The following PLCB4 variants were observed in gnomAD, a reference collection of about 807,000 sequenced individuals.
PLCB4 encodes the protein phospholipase C beta 4.
PLCB4 carries 77 observed loss-of-function variants against 178.8 expected under a neutral mutation model. The ratio of observed to expected loss-of-function variants is 0.43; its 90% confidence interval spans 0.36 to 0.52. The LOEUF is 0.52. Among genes scored for constraint, PLCB4 ranks in the 20% least tolerant of loss-of-function variants. The pLI is 0.00. For synonymous variants in PLCB4, 496 were observed against 490.8 expected, an observed-to-expected ratio of 1.01 and a Z score of -0.14; for missense variants, 1,024 against 1,453.4, an observed-to-expected ratio of 0.70 and a Z score of 4.80.
In PLCB4 at chr20:9,359,670, G is replaced by A. The variant is rs774339739; in HGVS notation, c.370-3226G>A. Among the ~76,000 whole-genome samples the A allele has an allele frequency of 5.9e-5, 9 of 152,280 alleles. No homozygotes were observed. In the East Asian group the frequency reaches 7.7e-4, roughly 13 times the overall value. The stretch of plus-strand genomic sequence containing the variant: ...GTGTGGCAGAAGTCATCTCAGGAGC[G>A]TGTCGCCATCCAGCCAATGACTTGT... On this transcript the variant is annotated intron_variant, in intron 7 of 39. Coordinates refer to ENST00000378473, the MANE Select transcript of PLCB4 (RefSeq NM_001377142.1).
chr20:9,471,489 A>T (rs2044188182), intron 36 of PLCB4, among the ~76,000 whole-genome samples: 1 of 152,210 alleles, frequency 6.6e-6, no homozygotes, highest in South Asian at 2.1e-4. Flanking sequence ...AACTAAGTCT[A>T]CTATTAAAAA....
In PLCB4 at chr20:9,398,560, T is replaced by G. The variant is rs536759897; in HGVS notation, c.1511-2930T>G. 1.5e-4 allele frequency among the ~76,000 whole-genome samples: 23 copies of G among 152,180 alleles called. No homozygotes were observed. The East Asian group carries it at 3.9e-3, about 26-fold the overall frequency. On this transcript the variant is annotated intron_variant, in intron 19 of 39. Transcript: ENST00000378473. ...GATACGATAATCCAGTAAAACAAAC[T>G]GCAGAAATAATGGAATAAATTAACA...
chr20:9,408,953 CTTGT>C, intron 23 of PLCB4, 100 bp from the exon 24 acceptor site: 1 of 1,008,806 alleles, frequency 9.9e-7, no homozygotes, highest in Non-Finnish European at 1.5e-6. Flanking sequence ...GTGCTGTCTA[CTTGT>C]TTGTCATTGT....
At chr20:9,298,337 T>C (rs577514246) in intron 3 of PLCB4, among the ~76,000 whole-genome samples, 1 of 152,260 alleles carries the variant, frequency 6.6e-6, no homozygotes, top group African/African-American at 2.4e-5. Context: ...CACATAAAAC[T>C]TACATTAAAT....
intron 7 of PLCB4, among the ~76,000 whole-genome samples, chr20:9,342,709 T>C (rs1325860639): frequency 1.3e-5 from 2 of 151,936 alleles, no homozygotes; most frequent in African/African-American, 2.4e-5. Context: ...GATAGCCAGT[T>C]TGGTTTCTTT....
At chr20:9,137,742 CAA>C (rs1194122613) in intron 2 of PLCB4, among the ~76,000 whole-genome samples, 1 of 94,824 alleles carries the variant, frequency 1.1e-5, no homozygotes, top group African/African-American at 4.4e-5. Flanking sequence ...TTATTTTTCT[CAA>C]GTTTTTTTTT....
At chr20:9,382,358 A>G (rs12625467) in intron 13 of PLCB4, among the ~76,000 whole-genome samples, 15,900 of 152,170 alleles carry the variant, frequency 0.1, 2,002 homozygotes, top group African/African-American at 0.29. Flanking sequence ...GCCAGAGTAA[A>G]CCTTTTAAAA....
At chr20:9,416,896 G>A (rs1340137095) in intron 25 of PLCB4, among the ~76,000 whole-genome samples, 2 of 152,054 alleles carry the variant, frequency 1.3e-5, no homozygotes, top group African/African-American at 4.8e-5. Flanking sequence ...TTTTTGTTCA[G>A]TCTTAGAAGA....
intron 10 of PLCB4, among the ~76,000 whole-genome samples, chr20:9,371,714 T>G (rs1199842930): frequency 6.6e-6 from 1 of 152,258 alleles, no homozygotes; most frequent in Non-Finnish European, 1.5e-5. Context: ...ACAAGATGGC[T>G]ATGCAATATT....
chr20:9,196,421 GACT>G (rs1290165952), intron 2 of PLCB4, among the ~76,000 whole-genome samples: 2 of 152,128 alleles, frequency 1.3e-5, no homozygotes, highest in Non-Finnish European at 2.9e-5. Flanking sequence ...CTTTATCTTA[GACT>G]TTGATGAAGG....
At chr20:9,172,009 A>G (rs2093071985) in intron 2 of PLCB4, among the ~76,000 whole-genome samples, 1 of 152,166 alleles carries the variant, frequency 6.6e-6, no homozygotes, top group Admixed American at 6.5e-5. Context: ...TATTAAGGCA[A>G]AATAATTTGG....
chr20:9,124,630 T>G (rs1197454388), intron 2 of PLCB4, among the ~76,000 whole-genome samples: 2 of 152,200 alleles, frequency 1.3e-5, no homozygotes, highest in Non-Finnish European at 2.9e-5. Context: ...GAGACTGTAT[T>G]TAAGAAACAA....
intron 3 of PLCB4, among the ~76,000 whole-genome samples, chr20:9,247,296 T>G (rs2094135660): frequency 2.6e-5 from 4 of 152,198 alleles, no homozygotes. Flanking sequence ...CTGAAAAGCT[T>G]TTTTAGAAAT....
chr20:9,341,587 T>C (rs1246323972), intron 7 of PLCB4, among the ~76,000 whole-genome samples: 1 of 151,984 alleles, frequency 6.6e-6, no homozygotes, highest in Non-Finnish European at 1.5e-5. Context: ...AGGAAGAGGT[T>C]GGTCTTGGTG....
At chr20:9,330,903 A>G (rs965050703) in intron 4 of PLCB4, among the ~76,000 whole-genome samples, 1 of 152,158 alleles carries the variant, frequency 6.6e-6, no homozygotes, top group African/African-American at 2.4e-5. Context: ...AAGAGCCCTA[A>G]AATTGTAGCT....
intron 3 of PLCB4, among the ~76,000 whole-genome samples, chr20:9,247,544 G>C (rs2147459163): frequency 6.6e-6 from 1 of 152,286 alleles, no homozygotes; most frequent in Non-Finnish European, 1.5e-5. Flanking sequence ...ACCTTCCTGG[G>C]TAGTTGTTTT....
At position 9,435,856 on chromosome 20, in the gene PLCB4, T is replaced by C. The variant is rs74327283; in HGVS notation, c.2613+208T>C. On this transcript the variant is annotated intron_variant, in intron 29 of 39. Transcript: ENST00000378473. Reference sequence around the variant, plus strand: ...GCCATCAGAAAAATCCACTTCATCATCAGTGGCTTAACTCACATCTGGGGA... The same window carrying C: ...GCCATCAGAAAAATCCACTTCATCACCAGTGGCTTAACTCACATCTGGGGA... Among the ~76,000 whole-genome samples, 218 of 152,346 alleles carry C rather than the reference T, an allele frequency of 1.4e-3. 1 individual carries two copies. In the East Asian group the frequency reaches 0.035, roughly 24 times the overall value.
intron 3 of PLCB4, among the ~76,000 whole-genome samples, chr20:9,260,748 G>T (rs1042768588): frequency 1.3e-5 from 2 of 152,076 alleles, no homozygotes; most frequent in Non-Finnish European, 2.9e-5. Flanking sequence ...AATTTTCAGA[G>T]AGAGAGATGA....
intron 6 of PLCB4, among the ~76,000 whole-genome samples, 192 bp from the exon 7 acceptor site, chr20:9,338,702 A>G (rs1601938057): frequency 1.3e-5 from 2 of 152,126 alleles, no homozygotes; most frequent in South Asian, 2.1e-4. Context: ...AATTTGTAAT[A>G]CCTTTCTTAT....
Sources: allele counts gnomAD v4.1 joint callset (sites outside exome capture counted in the v4.1 genomes callset), GRCh38; gene constraint gnomAD v4.1.1; transcripts MANE v1.5; gene names NCBI Gene and HGNC (gene_info 2026-07-23, HGNC 2026-07-21).